GPC5: variants seen among roughly 807,000 people sequenced by gnomAD.
The protein encoded by GPC5 is glypican-5.
Under a neutral mutation model 53.9 loss-of-function variants are expected in GPC5, and 47 were observed. That is an observed-to-expected ratio of 0.87 (90% CI 0.69 to 1.11). The LOEUF (loss-of-function observed/expected upper bound fraction) is 1.11, where lower values mean the gene tolerates loss of function less well. GPC5 is among the 50% of genes most tolerant of loss of function. The probability of loss-of-function intolerance (pLI) is 0.00; values close to 1 mark genes in which losing one functional copy is unlikely to be tolerated. For synonymous variants in GPC5, 286 were observed against 263.3 expected, an observed-to-expected ratio of 1.09 and a Z score of -0.84; for missense variants, 748 against 713.1, an observed-to-expected ratio of 1.05 and a Z score of -0.56.
At chr13:92,057,119 T>A (rs1188436676) in intron 6 of GPC5, among the ~76,000 whole-genome samples, 1 of 152,166 alleles carries the variant, frequency 6.6e-6, no homozygotes, top group Non-Finnish European at 1.5e-5. Context: ...ATAGAAATGA[T>A]GCCAATTGAT....
rs878987349 is a variant in GPC5 at position 91,398,653 on chromosome 13, C to CGGCGGA, written c.-388_-383dup. Reference sequence around the variant, plus strand: ...GTTAGCTGCTGCGAGCCGAGCCGGGCGGCGGAGGCGGCGGCGGCGGCGGCA... The same window carrying CGGCGGA: ...GTTAGCTGCTGCGAGCCGAGCCGGGCGGCGGAGGCGGAGGCGGCGGCGGCGGCGGCA... On this transcript the variant is annotated 5_prime_UTR_variant, in exon 1 of 8. Transcript: ENST00000377067. 7.3e-6 allele frequency: 1 copy of CGGCGGA among 137,464 alleles called. No individual in the cohort carries two copies. The highest frequency in any genetic ancestry group is 1.2e-4 in the Admixed American group (1 of 8,406). 8.5% of individuals were successfully genotyped at this position (137,464 alleles called of 1,614,324 possible).
At chr13:92,194,424 G>A (rs1226796627) in intron 7 of GPC5, among the ~76,000 whole-genome samples, 1 of 152,178 alleles carries the variant, frequency 6.6e-6, no homozygotes, top group African/African-American at 2.4e-5. Context: ...ATTATTTGCA[G>A]ATGAGAAAGA....
At chr13:91,452,843 A>G (rs970454010) in intron 2 of GPC5, among the ~76,000 whole-genome samples, 3 of 151,954 alleles carry the variant, frequency 2.0e-5, no homozygotes, top group African/African-American at 7.2e-5. Flanking sequence ...CACTATTGGA[A>G]GCTTGTGTTT....
At chr13:91,960,227 A>C (rs2040114369) in intron 6 of GPC5, among the ~76,000 whole-genome samples, 1 of 152,074 alleles carries the variant, frequency 6.6e-6, no homozygotes, top group Non-Finnish European at 1.5e-5. Context: ...TGAATTCAGT[A>C]AAGTTTCAGG....
intron 7 of GPC5, among the ~76,000 whole-genome samples, chr13:92,859,905 T>G (rs1220542485): frequency 6.6e-6 from 1 of 152,064 alleles, no homozygotes; most frequent in African/African-American, 2.4e-5. Context: ...TTGGATGAAA[T>G]ATAGCATCAG....
intron 5 of GPC5, among the ~76,000 whole-genome samples, chr13:91,825,487 G>A (rs2138843512): frequency 6.6e-6 from 1 of 152,184 alleles, no homozygotes; most frequent in East Asian, 1.9e-4. Flanking sequence ...TATAATGGTT[G>A]AAATAAAAAG....
Position 91,621,909 on chromosome 13 carries a change from G to A in GPC5, c.326-71278G>A, listed in dbSNP as rs977880388. Among the ~76,000 whole-genome samples, 3 of 151,856 alleles carry A rather than the reference G, an allele frequency of 2.0e-5. No homozygotes were observed. The East Asian group carries it at 5.9e-4, about 30-fold the overall frequency. On this transcript the variant is annotated intron_variant, in intron 2 of 7. Coordinates refer to ENST00000377067, the MANE Select transcript of GPC5 (RefSeq NM_004466.6). Reference sequence around the variant, plus strand: ...GTCCCAAAACCTCAAAAGTAGGGAAGCCAACAGTGCAGCCTTCAGTCTGTG... The same window carrying A: ...GTCCCAAAACCTCAAAAGTAGGGAAACCAACAGTGCAGCCTTCAGTCTGTG...
intron 6 of GPC5, among the ~76,000 whole-genome samples, chr13:92,003,422 G>C (rs911773306): frequency 4.1e-5 from 6 of 146,708 alleles, no homozygotes; most frequent in Non-Finnish European, 8.9e-5. Context: ...CCAATCCATA[G>C]AACATCAGAA....
intron 6 of GPC5, among the ~76,000 whole-genome samples, chr13:92,124,654 C>T (rs1361428862): frequency 2.0e-5 from 3 of 152,108 alleles, no homozygotes; most frequent in African/African-American, 7.2e-5. Context: ...CAGAGAGCAT[C>T]TCTACTGCAT....
chr13:92,535,573 T>G (rs1881699201), intron 7 of GPC5, among the ~76,000 whole-genome samples: 1 of 152,052 alleles, frequency 6.6e-6, no homozygotes, highest in African/African-American at 2.4e-5. Flanking sequence ...TCTTTGACAC[T>G]TTTTGAGAGG....
At chr13:91,469,396 G>T (rs112048331) in intron 2 of GPC5, among the ~76,000 whole-genome samples, 1 of 151,852 alleles carries the variant, frequency 6.6e-6, no homozygotes, top group Non-Finnish European at 1.5e-5. Flanking sequence ...GGCGTGAGTC[G>T]CTGCACCTGG....
chr13:91,929,348 A>G (rs979358571), intron 6 of GPC5, among the ~76,000 whole-genome samples: 2 of 152,072 alleles, frequency 1.3e-5, no homozygotes, highest in African/African-American at 4.8e-5. Flanking sequence ...ATCCTTTAGA[A>G]TTTTGGCAGG....
chr13:92,138,882 G>T (rs1337824668), intron 6 of GPC5, among the ~76,000 whole-genome samples: 1 of 151,974 alleles, frequency 6.6e-6, no homozygotes, highest in African/African-American at 2.4e-5. Context: ...TGATATCTCA[G>T]ATCATGAAGC....
intron 2 of GPC5, among the ~76,000 whole-genome samples, chr13:91,487,908 G>C (rs780610818): frequency 7.0e-6 from 1 of 142,064 alleles, no homozygotes; most frequent in Non-Finnish European, 1.5e-5. Context: ...GTGTACATTT[G>C]AACACTGGAC....
chr13:92,585,587 G>A (rs1302150752), intron 7 of GPC5, among the ~76,000 whole-genome samples: 1 of 152,162 alleles, frequency 6.6e-6, no homozygotes, highest in Non-Finnish European at 1.5e-5. Flanking sequence ...GCTGCAATGA[G>A]ATAAGACTTT....
intron 7 of GPC5, among the ~76,000 whole-genome samples, chr13:92,577,433 T>G (rs1193916962): frequency 6.6e-6 from 1 of 151,854 alleles, no homozygotes; most frequent in Non-Finnish European, 1.5e-5. Context: ...TGTGTGTGTG[T>G]GTGTGTGTGT....
In GPC5 at chr13:92,385,431, TATATACATATATAC is replaced by T. The variant is rs1566567436; in HGVS notation, c.1561+240448_1561+240461del. On this transcript the variant is annotated intron_variant, in intron 7 of 7. Coordinates refer to ENST00000377067, the MANE Select transcript of GPC5 (RefSeq NM_004466.6). ...ATACACATATATATACATATATACA[TATATACATATATAC>T]ATATATACATATATACACATATATA... is the stretch of plus-strand genomic sequence containing the variant. 3.2e-4 allele frequency among the ~76,000 whole-genome samples: 27 copies of T among 83,344 alleles called. 2 individuals are homozygous for T. Among genetic ancestry groups the T allele is most frequent in the South Asian group, 1.8e-3 (5 of 2,834 alleles). The allele number at this position is 83,344 out of a possible 152,430, so 54.7% of individuals were successfully genotyped here.
At chr13:91,431,032 G>A (rs1879408163) in intron 1 of GPC5, among the ~76,000 whole-genome samples, 2 of 152,050 alleles carry the variant, frequency 1.3e-5, no homozygotes, top group African/African-American at 2.4e-5. Context: ...ATGCTACCAT[G>A]CCTGACTAAT....
chr13:91,860,542 G>A (rs9523436), intron 5 of GPC5, among the ~76,000 whole-genome samples: 2 of 117,018 alleles, frequency 1.7e-5, no homozygotes, highest in Non-Finnish European at 3.4e-5. Flanking sequence ...TTTTTTTTGA[G>A]ATGGAGTCTT....
Sources: gnomAD v4.1 joint callset for allele counts (sites outside exome capture counted in the v4.1 genomes callset) on GRCh38, gnomAD v4.1.1 for gene constraint, MANE v1.5 for transcripts, NCBI Gene and HGNC (gene_info 2026-07-23, HGNC 2026-07-21) for gene names.